Variants in CSMD3 observed in about 807,000 individuals in gnomAD.
CSMD3 encodes the protein CUB and sushi domain-containing protein 3.
A neutral mutation model predicts 435.2 loss-of-function variants in CSMD3; 177 were observed. The observed-to-expected ratio is 0.41, with a 90% CI of 0.36 to 0.46. CSMD3 has a LOEUF of 0.46. Among genes scored for constraint, CSMD3 ranks in the 20% least tolerant of loss-of-function variants. CSMD3 has a pLI of 0.34. For missense variants in CSMD3, 4,265 were observed against 4,504.6 expected, an observed-to-expected ratio of 0.95 and a Z score of 1.52; for synonymous variants, 1,656 against 1,520.5, an observed-to-expected ratio of 1.09 and a Z score of -2.07.
chr8:112,251,197 A>C (rs913452774), intron 63 of CSMD3, among the ~76,000 whole-genome samples: 14 of 151,626 alleles, frequency 9.2e-5, no homozygotes, highest in Admixed American at 9.2e-4. Context: ...GGTCTCAAAA[A>C]CGTATATGCT....
Position 112,682,601 on chromosome 8 carries a change from G to A in CSMD3, c.2518C>T (p.Pro840Ser), listed in dbSNP as rs770956958. The A allele has an allele frequency of 6.2e-7, 1 of 1,613,322 alleles. No individual in the cohort carries two copies. Among genetic ancestry groups the A allele is most frequent in the East Asian group, 2.2e-5 (1 of 44,832 alleles). The change falls in exon 16 of 71, where the codon CCA becomes TCA. Residue 840 changes from proline to serine, a missense_variant. By Grantham distance (74) the Pro-to-Ser change is moderately conservative. Coordinates refer to ENST00000297405, the MANE Select transcript of CSMD3 (RefSeq NM_198123.2). ...TCCCCAAACCGCCGTGCATTGATTG[G>A]TATTCCAGGATCAGGGCATTCATTA... is the stretch of plus-strand genomic sequence containing the variant. ...GHNECPDPGI[P>S]INARRFGDNF...
At chr8:112,434,924 G>A (rs947413002) in intron 32 of CSMD3, among the ~76,000 whole-genome samples, 8 of 152,022 alleles carry the variant, frequency 5.3e-5, no homozygotes, top group African/African-American at 1.7e-4. Context: ...GTTTTTAAAC[G>A]AATTCAATGA....
chr8:112,491,208 A>T (rs1343078711), intron 31 of CSMD3, among the ~76,000 whole-genome samples: 5 of 152,198 alleles, frequency 3.3e-5, no homozygotes, highest in Non-Finnish European at 7.3e-5. Context: ...AAAAATTGTC[A>T]TTTATTTTCA....
intron 32 of CSMD3, among the ~76,000 whole-genome samples, chr8:112,426,504 A>G (rs534837515): frequency 2.0e-5 from 3 of 152,210 alleles, no homozygotes; most frequent in South Asian, 2.1e-4. Context: ...TGATACCCCC[A>G]AGAGCATCTC....
chr8:112,574,084 G>A (rs868659563), intron 23 of CSMD3, among the ~76,000 whole-genome samples: 2 of 151,904 alleles, frequency 1.3e-5, no homozygotes, highest in African/African-American at 4.8e-5. Context: ...TGTGTCTGGT[G>A]CAATTGTAAC....
At chr8:112,361,285 A>C (rs1827176751) in intron 38 of CSMD3, among the ~76,000 whole-genome samples, 3 of 151,770 alleles carry the variant, frequency 2.0e-5, no homozygotes. Flanking sequence ...AGCCAAAAAA[A>C]AGAAAAATCA....
intron 32 of CSMD3, among the ~76,000 whole-genome samples, chr8:112,441,472 T>A (rs757326708): frequency 2.4e-4 from 37 of 152,180 alleles, no homozygotes; most frequent in Non-Finnish European, 4.7e-4. Context: ...CTCTGCTTGT[T>A]ATCCAGTTCC....
At chr8:112,952,137 G>A (rs910578768) in intron 8 of CSMD3, among the ~76,000 whole-genome samples, 1 of 149,970 alleles carries the variant, frequency 6.7e-6, no homozygotes, top group Non-Finnish European at 1.5e-5. Context: ...GCAATTCAGA[G>A]TTCAGGTATA....
intron 32 of CSMD3, among the ~76,000 whole-genome samples, chr8:112,438,580 TA>T (rs893254045): frequency 2.6e-5 from 4 of 151,816 alleles, no homozygotes; most frequent in Admixed American, 6.6e-5. Context: ...ATAGTTACTT[TA>T]AAAAAAATAG....
intron 3 of CSMD3, among the ~76,000 whole-genome samples, chr8:113,201,121 A>G (rs2092712041): frequency 6.6e-6 from 1 of 151,938 alleles, no homozygotes; most frequent in East Asian, 1.9e-4. Context: ...GCATAGGTTT[A>G]CCCATGGATT....
At chr8:112,245,576 T>G (rs972705659) in intron 64 of CSMD3, among the ~76,000 whole-genome samples, 4 of 152,200 alleles carry the variant, frequency 2.6e-5, no homozygotes, top group African/African-American at 9.6e-5. Context: ...TTCACTCCGC[T>G]GCCCAGGCTG....
chr8:112,332,955 AT>A (rs573960732), intron 45 of CSMD3, among the ~76,000 whole-genome samples: 113 of 152,228 alleles, frequency 7.4e-4, no homozygotes, highest in African/African-American at 2.6e-3. Context: ...TGCCCATAGG[AT>A]TTTTTGACCA....
chr8:112,899,602 TA>T (rs57788251), intron 10 of CSMD3, among the ~76,000 whole-genome samples: 15 of 14,276 alleles, frequency 1.1e-3, no homozygotes, highest in African/African-American at 3.7e-3. Context: ...GTCTATTTTA[TA>T]TATATATATA....
chr8:112,730,160 A>G (rs2077045422), intron 13 of CSMD3, among the ~76,000 whole-genome samples: 1 of 152,124 alleles, frequency 6.6e-6, no homozygotes, highest in Non-Finnish European at 1.5e-5. Context: ...AATTATAATG[A>G]AAGACTAAAC....
chr8:112,704,651 C>T (rs1319466532), intron 13 of CSMD3, among the ~76,000 whole-genome samples: 1 of 150,636 alleles, frequency 6.6e-6, no homozygotes, highest in Admixed American at 6.6e-5. Context: ...TAGCTCCATC[C>T]TCTCTCTCTC....
rs549096835 is a variant in CSMD3, at chr8:112,245,411, T to G, written c.10223-838A>C. 1.2e-3 allele frequency among the ~76,000 whole-genome samples: 179 copies of G among 152,314 alleles called. 1 individual carries two copies. Among genetic ancestry groups the G allele is most frequent in the African/African-American group, 4.0e-3 (166 of 41,572 alleles). ...TAAAAGTGATCTCTGAAAAAAGTGT[T>G]CTGTGGATAAATAAAAAAAAACAAT... On this transcript the variant is annotated intron_variant, in intron 64 of 70. Coordinates refer to ENST00000297405, the MANE Select transcript of CSMD3 (RefSeq NM_198123.2).
intron 22 of CSMD3, among the ~76,000 whole-genome samples, chr8:112,615,447 GT>G (rs1042225727): frequency 6.6e-6 from 1 of 151,844 alleles, no homozygotes; most frequent in Non-Finnish European, 1.5e-5. Flanking sequence ...TTAATTGAGA[GT>G]TTTTTTTATC....
intron 3 of CSMD3, among the ~76,000 whole-genome samples, chr8:113,270,418 G>T (rs2093513066): frequency 6.6e-6 from 1 of 152,154 alleles, no homozygotes; most frequent in Non-Finnish European, 1.5e-5. Context: ...ATAGTGTGGT[G>T]ATTCCTCATG....
intron 13 of CSMD3, among the ~76,000 whole-genome samples, chr8:112,741,550 C>T (rs1411605637): frequency 1.3e-5 from 2 of 151,762 alleles, no homozygotes; most frequent in African/African-American, 4.8e-5. Flanking sequence ...GGAAAACCGC[C>T]CAAAGGGCCC....
Sources: allele counts gnomAD v4.1 joint callset (sites outside exome capture counted in the v4.1 genomes callset), GRCh38; gene constraint gnomAD v4.1.1; transcripts MANE v1.5; gene names NCBI Gene and HGNC (gene_info 2026-07-23, HGNC 2026-07-21).